Variants in ASIP observed in about 807,000 individuals in gnomAD.
ASIP encodes agouti-signaling protein.
ASIP carries 11 observed loss-of-function variants against 10.3 expected under a neutral mutation model. The observed-to-expected ratio is 1.07, with a 90% CI of 0.68 to 1.78. ASIP has a LOEUF of 1.78. ASIP is among the 40% of genes most tolerant of loss of function. ASIP has a pLI of 0.00. For missense variants in ASIP, 180 were observed against 169.2 expected (o/e 1.06, Z -0.35); for synonymous variants, 70 against 70.8 (o/e 0.99, Z 0.06).
At chr20:34,247,595 C>T (rs1055095171) in intron 1 of ASIP, among the ~76,000 whole-genome samples, 1 of 151,902 alleles carries the variant, frequency 6.6e-6, no homozygotes, top group African/African-American at 2.4e-5. Flanking sequence ...CTGTACCCTG[C>T]TGATGCTTTT....
chr20:34,244,312 A>T (rs144958278), intron 1 of ASIP, among the ~76,000 whole-genome samples: 2 of 152,176 alleles, frequency 1.3e-5, no homozygotes, highest in African/African-American at 2.4e-5. Context: ...TTCACTTGCT[A>T]TTTCCAGGAC....
chr20:34,194,801 T>G (rs2034844282), intron 1 of ASIP: 2 of 152,242 alleles, frequency 1.3e-5, no homozygotes, highest in Non-Finnish European at 2.9e-5. Context: ...TTTCGCTTTC[T>G]GAGCGGGTGC....
chr20:34,215,706 G>A lies in ASIP; in HGVS notation c.-11+20946G>A, dbSNP rs929320575. The A allele has an allele frequency of 2.4e-5, 35 of 1,435,342 alleles. No individual in the cohort carries two copies. In the Admixed American group the frequency reaches 5.9e-4, roughly 24 times the overall value. 88.9% of individuals were successfully genotyped at this position (1,435,342 alleles called of 1,614,324 possible). ...AGTTCTGAATATTTGTATTTAACTT[G>A]ATGTTCCAGTACTTGAAAGCAGAAA... On this transcript the variant is annotated intron_variant, in intron 1 of 3. Transcript: ENST00000568305.
chr20:34,188,397 T>C, the ASIP span, among the ~76,000 whole-genome samples: 5 of 152,294 alleles, frequency 3.3e-5, no homozygotes, highest in South Asian at 1.0e-3. Flanking sequence ...AGCATAAGAT[T>C]ATCACATCAT....
upstream of ASIP, among the ~76,000 whole-genome samples, chr20:34,194,236 C>T (rs1386492121): frequency 1.3e-5 from 2 of 152,024 alleles, no homozygotes; most frequent in Admixed American, 1.3e-4. Flanking sequence ...ATGGGAAACC[C>T]AGAGAAGAAA....
intron 1 of ASIP, chr20:34,214,172 C>T: frequency 6.6e-6 from 8 of 1,216,228 alleles, no homozygotes; most frequent in Non-Finnish European, 9.8e-6. Flanking sequence ...TCAAAATATC[C>T]TCAATGAAAG....
chr20:34,191,079 C>A (rs559666075), upstream of ASIP, among the ~76,000 whole-genome samples: 23 of 152,310 alleles, frequency 1.5e-4, no homozygotes, highest in Admixed American at 9.8e-4. Context: ...CTGGAGGCTT[C>A]TTTGAGCCAG....
intron 1 of ASIP, among the ~76,000 whole-genome samples, chr20:34,211,847 T>C (rs866967311): frequency 6.6e-6 from 1 of 152,250 alleles, no homozygotes; most frequent in Non-Finnish European, 1.5e-5. Flanking sequence ...GTTAGCTTTT[T>C]ATAGATGTAC....
At chr20:34,261,255 T>C (rs920082656) in intron 2 of ASIP, among the ~76,000 whole-genome samples, 8 of 152,134 alleles carry the variant, frequency 5.3e-5, no homozygotes, top group African/African-American at 1.9e-4. Context: ...CCCAGCACTT[T>C]GGGAAGCTGG....
intron 1 of ASIP, chr20:34,213,456 G>C (rs1489616931): frequency 1.7e-6 from 2 of 1,153,154 alleles, no homozygotes; most frequent in African/African-American, 3.1e-5. Flanking sequence ...CATAGGTAGA[G>C]ACTGAGACAG....
intron 3 of ASIP, among the ~76,000 whole-genome samples, 161 bp downstream of exon 3, chr20:34,263,054 G>A (rs1393534714): frequency 6.6e-6 from 1 of 152,140 alleles, no homozygotes; most frequent in African/African-American, 2.4e-5. Flanking sequence ...CTTGAGCTCT[G>A]AGCCAGACAC....
intron 1 of ASIP, among the ~76,000 whole-genome samples, chr20:34,235,828 A>AGAAAGAAG (rs1568755838): frequency 3.0e-5 from 2 of 67,156 alleles, no homozygotes; most frequent in Non-Finnish European, 4.8e-5. Flanking sequence ...AAAGAAAGAA[A>AGAAAGAAG]GAAAGAAAGA....
chr20:34,221,858 C>G (rs1414537566), intron 1 of ASIP, among the ~76,000 whole-genome samples: 3 of 152,092 alleles, frequency 2.0e-5, no homozygotes, highest in Non-Finnish European at 4.4e-5. Context: ...ACCTGTAATC[C>G]CAGCACTTTG....
At chr20:34,223,481 C>T (rs1436093122) in intron 1 of ASIP, among the ~76,000 whole-genome samples, 13 of 151,780 alleles carry the variant, frequency 8.6e-5, no homozygotes, top group African/African-American at 3.1e-4. Flanking sequence ...GCAGCCACCC[C>T]GTCCGGGAGG....
intron 2 of ASIP, 88 bp from the exon 3 acceptor site, chr20:34,262,744 T>C: frequency 1.4e-6 from 2 of 1,479,666 alleles, no homozygotes; most frequent in Non-Finnish European, 1.9e-6. Context: ...ACCTTGTGAC[T>C]TCCCAAGCCC....
intron 3 of ASIP, among the ~76,000 whole-genome samples, chr20:34,265,492 C>T (rs906609491): frequency 3.3e-5 from 5 of 151,988 alleles, no homozygotes; most frequent in African/African-American, 1.2e-4. Context: ...CCACTGCACT[C>T]CAGCCTGGGC....
chr20:34,236,267 C>CA (rs2035209170), intron 1 of ASIP, among the ~76,000 whole-genome samples: 1 of 152,190 alleles, frequency 6.6e-6, no homozygotes, highest in East Asian at 1.9e-4. Context: ...TGGCTGGGCG[C>CA]AGTGGCTCAC....
intron 1 of ASIP, among the ~76,000 whole-genome samples, chr20:34,209,471 A>C (rs1371636618): frequency 6.6e-6 from 1 of 152,208 alleles, no homozygotes; most frequent in Non-Finnish European, 1.5e-5. Flanking sequence ...CCCAAGTCAC[A>C]GCTGCAGAGC....
At chr20:34,213,907 T>C (rs1035309827) in intron 1 of ASIP, 1 of 1,581,956 alleles carries the variant, frequency 6.3e-7, no homozygotes, top group Non-Finnish European at 8.6e-7. Context: ...TCCAACAGCA[T>C]GGTTGAGACA....
Sources: gnomAD v4.1 joint callset for allele counts (sites outside exome capture counted in the v4.1 genomes callset) on GRCh38, gnomAD v4.1.1 for gene constraint, MANE v1.5 for transcripts, NCBI Gene and HGNC (gene_info 2026-07-23, HGNC 2026-07-21) for gene names.